Variants in BDH1 observed in about 807,000 individuals in gnomAD.
BDH1 encodes the protein 3-hydroxybutyrate dehydrogenase 1.
A neutral mutation model predicts 33.1 loss-of-function variants in BDH1; 30 were observed. That is an observed-to-expected ratio of 0.91 (90% CI 0.68 to 1.23). The LOEUF (loss-of-function observed/expected upper bound fraction) is 1.23. BDH1 is among the 50% of genes most tolerant of loss of function. BDH1 has a pLI of 0.00. For missense variants in BDH1, 443 were observed against 464.4 expected (o/e 0.95, Z 0.42); for synonymous variants, 190 against 183.6 (o/e 1.03, Z -0.28).
At chr3:197,573,099 C>A (rs890627204) in intron 1 of BDH1, 1 of 152,186 alleles carries the variant, frequency 6.6e-6, no homozygotes, top group African/African-American at 2.4e-5. Context: ...CCCTTTCTAC[C>A]AGGCCTTACC....
chr3:197,548,806 A>C (rs1001386579), intron 2 of BDH1, among the ~76,000 whole-genome samples: 4 of 152,050 alleles, frequency 2.6e-5, no homozygotes, highest in Non-Finnish European at 5.9e-5. Context: ...AGCTGAGATC[A>C]CGCCACTGCA....
rs966988347 is a variant in BDH1 at position 197,521,682 on chromosome 3, A to G, written c.409+958T>C. Among the ~76,000 whole-genome samples the G allele has an allele frequency of 1.3e-5, 2 of 152,128 alleles. No individual in the cohort carries two copies. Among genetic ancestry groups the G allele is most frequent in the Non-Finnish European group, 2.9e-5 (2 of 68,014 alleles). On this transcript the variant is annotated intron_variant, in intron 6 of 7. Coordinates refer to ENST00000392379, the MANE Select transcript of BDH1 (RefSeq NM_203314.3). The surrounding 1 kb of genome is among the most constrained non-coding windows in gnomAD (Gnocchi z 4.9). ...CTGCAGTGCGGGGCACCAGGTGTCC[A>G]GGACAGAGACTTCGCGCCTCACCTC... is the stretch of plus-strand genomic sequence containing the variant.
At chr3:197,515,606 C>T (rs1169883904) in intron 6 of BDH1, 2 of 985,478 alleles carry the variant, frequency 2.0e-6, no homozygotes, top group African/African-American at 3.5e-5. Context: ...CAGTTCTATA[C>T]ACATTAGGAG....
chr3:197,534,843 CT>C (rs1560324158), intron 3 of BDH1, among the ~76,000 whole-genome samples: 1 of 152,182 alleles, frequency 6.6e-6, no homozygotes, highest in Non-Finnish European at 1.5e-5. Context: ...TGTTGAACAT[CT>C]TTTCATGTTT....
At chr3:197,551,302 A>C (rs574507236) in intron 2 of BDH1, among the ~76,000 whole-genome samples, 1 of 152,332 alleles carries the variant, frequency 6.6e-6, no homozygotes, top group South Asian at 2.1e-4. Context: ...TAGCTCCTAC[A>C]AATAAGTGAG....
rs1012072962 is a variant in BDH1 at position 197,510,953 on chromosome 3, T to G, written c.*942A>C. ...TAAAAGAGGATGGAAAAATCTCAAGTAAAAATCTCATGCCTGTAATCCCAG... is the reference window on the plus strand; with the variant it reads ...TAAAAGAGGATGGAAAAATCTCAAGGAAAAATCTCATGCCTGTAATCCCAG... On this transcript the variant is annotated 3_prime_UTR_variant, in exon 8 of 8. Coordinates refer to ENST00000392379, the MANE Select transcript of BDH1 (RefSeq NM_203314.3). 1 of 151,830 alleles carries G rather than the reference T, an allele frequency of 6.6e-6. No homozygotes were observed. Among genetic ancestry groups the G allele is most frequent in the South Asian group, 2.1e-4 (1 of 4,814 alleles). 9.4% of individuals were successfully genotyped at this position (151,830 alleles called of 1,614,324 possible).
chr3:197,556,001 G>T (rs2108769746), upstream of BDH1: 1 of 152,410 alleles, frequency 6.6e-6, no homozygotes, highest in Admixed American at 6.5e-5. Context: ...ACGCTGGGCG[G>T]GGCTCACGGC....
chr3:197,546,615 A>G, intron 2 of BDH1, 129 bp from the exon 3 acceptor site: 1 of 605,590 alleles, frequency 1.7e-6, no homozygotes, highest in Non-Finnish European at 2.9e-6. Context: ...CAGTCCTGGT[A>G]CCACCAGGTA....
rs149032988 is a variant in BDH1 at position 197,519,642 on chromosome 3, C to T, written c.409+2998G>A. Among the ~76,000 whole-genome samples the T allele has an allele frequency of 3.3e-3, 496 of 152,024 alleles. 2 individuals are homozygous for T. Among genetic ancestry groups the T allele is most frequent in the African/African-American group, 0.011 (464 of 41,430 alleles). ...TCGCACCATTGCACTCCAGCCTGGG[C>T]GGCAGAGTAAGACTCTGTCTCAAAA... On this transcript the variant is annotated intron_variant, in intron 6 of 7. Transcript: ENST00000392379.
intron 2 of BDH1, among the ~76,000 whole-genome samples, chr3:197,553,126 C>A (rs1040053623): frequency 6.6e-6 from 1 of 151,348 alleles, no homozygotes; most frequent in Non-Finnish European, 1.5e-5. Context: ...CCATGTTGGC[C>A]CGGCTGGTCT....
At chr3:197,544,282 A>G (rs1483701348) in intron 3 of BDH1, among the ~76,000 whole-genome samples, 1 of 152,122 alleles carries the variant, frequency 6.6e-6, no homozygotes, top group Non-Finnish European at 1.5e-5. Flanking sequence ...ACCACCACCC[A>G]GGCCCCTCAA....
chr3:197,556,213 A>G (rs975489272), upstream of BDH1, among the ~76,000 whole-genome samples: 7 of 152,176 alleles, frequency 4.6e-5, no homozygotes, highest in Non-Finnish European at 8.8e-5. Flanking sequence ...CAGGTGCGGA[A>G]AGGGTTGCAG....
In BDH1 at chr3:197,511,463, A is replaced by G. The variant is rs7621257; in HGVS notation, c.*432T>C. The G allele has an allele frequency of 0.34, 58,326 of 173,408 alleles. 10,441 individuals carry two copies. Among genetic ancestry groups the G allele is most frequent in the Non-Finnish European group, 0.39 (32,198 of 82,960 alleles). The allele number at this position is 173,408 out of a possible 1,614,324, so 10.7% of individuals were successfully genotyped here. The stretch of plus-strand genomic sequence containing the variant: ...TTCCACAGCCGTGGCAGGAACACAT[A>G]ACTGGCACTATTTATAAGCGATAAA... On this transcript the variant is annotated 3_prime_UTR_variant, in exon 8 of 8. Coordinates refer to ENST00000392379, the MANE Select transcript of BDH1 (RefSeq NM_203314.3).
chr3:197,543,248 G>C (rs1301175783), intron 3 of BDH1: 1 of 928,588 alleles, frequency 1.1e-6, no homozygotes, highest in South Asian at 5.0e-5. Flanking sequence ...CAGCATCTGT[G>C]AAAAAAATTT....
At chr3:197,560,398 A>C (rs1175146522), upstream of BDH1, among the ~76,000 whole-genome samples, 1 of 152,194 alleles carries the variant, frequency 6.6e-6, no homozygotes, top group African/African-American at 2.4e-5. Context: ...AGCATTCCAC[A>C]AGTTACTTTC....
chr3:197,512,473 C>G (rs1215624471), intron 7 of BDH1, 109 bp from the exon 8 acceptor site: 1 of 1,199,624 alleles, frequency 8.3e-7, no homozygotes, highest in South Asian at 1.6e-5. Context: ...CTGAGCCACC[C>G]AGGAGCCTTC....
intron 3 of BDH1, among the ~76,000 whole-genome samples, chr3:197,542,521 C>CTTTTTTTTTTTTTTTTTTTTTT (rs71164295): frequency 1.9e-5 from 2 of 106,420 alleles, no homozygotes; most frequent in African/African-American, 8.5e-5. Context: ...TTCTTGCTTG[C>CTTTTTTTTTTTTTTTTTTTTTT]TTTTTTTTTT....
chr3:197,569,395 G>A (rs2567335), intron 1 of BDH1, among the ~76,000 whole-genome samples: 66,835 of 151,982 alleles, frequency 0.44, 16,340 homozygotes, highest in African/African-American at 0.65. Context: ...TACAATACAG[G>A]TGGCAATTTC....
At chr3:197,565,612 T>C (rs1284524997) in intron 1 of BDH1, among the ~76,000 whole-genome samples, 2 of 152,184 alleles carry the variant, frequency 1.3e-5, no homozygotes, top group Admixed American at 6.5e-5. Flanking sequence ...GAAACTCCTA[T>C]AATTTTGATA....
Sources: gnomAD v4.1 joint callset for allele counts (sites outside exome capture counted in the v4.1 genomes callset) on GRCh38, gnomAD v4.1.1 for gene constraint, Gnocchi (gnomAD v3.1) non-coding constraint, MANE v1.5 for transcripts, NCBI Gene and HGNC (gene_info 2026-07-23, HGNC 2026-07-21) for gene names.